The following LTN1 variants were observed in gnomAD, a reference collection of about 807,000 sequenced individuals.
LTN1 encodes E3 ubiquitin-protein ligase listerin.
A neutral mutation model predicts 201.2 loss-of-function variants in LTN1; 88 were observed. The observed-to-expected ratio is 0.44, with a 90% CI of 0.37 to 0.52. The LOEUF is 0.52. Among genes scored for constraint, LTN1 ranks in the 20% least tolerant of loss-of-function variants. The probability of loss-of-function intolerance (pLI) is 0.00; values close to 1 mark genes in which losing one functional copy is unlikely to be tolerated. For missense variants in LTN1, 1,752 were observed against 2,038.7 expected, an observed-to-expected ratio of 0.86 and a Z score of 2.71; for synonymous variants, 645 against 713.5, an observed-to-expected ratio of 0.90 and a Z score of 1.53.
chr21:28,964,444 T>C (rs1302366443), intron 11 of LTN1: 6 of 748,410 alleles, frequency 8.0e-6, no homozygotes, highest in East Asian at 6.1e-5. Context: ...AATTAAGATA[T>C]GTACATTGGT....
intron 16 of LTN1, among the ~76,000 whole-genome samples, chr21:28,955,504 A>G (rs531553602): frequency 2.0e-4 from 31 of 152,266 alleles, no homozygotes; most frequent in Non-Finnish European, 4.0e-4. Flanking sequence ...GTATATCTGC[A>G]CCCCTATATT....
chr21:28,961,121 T>C (rs1292350816), intron 11 of LTN1, among the ~76,000 whole-genome samples: 8 of 152,174 alleles, frequency 5.3e-5, no homozygotes, highest in Admixed American at 6.5e-5. Flanking sequence ...GTATATCTTG[T>C]CTTTCCAATG....
rs771706845 is a variant in LTN1 at position 28,945,964 on chromosome 21, T to A, written c.3624-13A>T. On this transcript the variant is annotated splice_polypyrimidine_tract_variant and intron_variant, in intron 20 of 29. Transcript: ENST00000361371. ...TTCTGATAGATTACTGTGATAAAGA[T>A]AAAAACAAAAGACAATAAAAGATTA... 1.3e-6 allele frequency: 2 copies of A among 1,594,554 alleles called. No individual in the cohort carries two copies. Among genetic ancestry groups the A allele is most frequent in the South Asian group, 1.1e-5 (1 of 88,724 alleles).
chr21:28,959,962 C>A, intron 12 of LTN1: 1 of 272,958 alleles, frequency 3.7e-6, no homozygotes, highest in Non-Finnish European at 6.8e-6. Flanking sequence ...CATGAGTCAA[C>A]TTTATGAGCT....
chr21:28,967,477 C>G (rs1274526927), intron 9 of LTN1: 4 of 234,112 alleles, frequency 1.7e-5, no homozygotes, highest in South Asian at 2.4e-4. Context: ...AGTAATGAAG[C>G]CTCCATAAAA....
At chr21:28,961,107 CTG>C (rs1286303088) in intron 11 of LTN1, among the ~76,000 whole-genome samples, 1 of 152,112 alleles carries the variant, frequency 6.6e-6, no homozygotes, top group African/African-American at 2.4e-5. Context: ...AATGTTTCAT[CTG>C]TGTATATCTT....
chr21:28,938,949 T>C (rs552289629), intron 25 of LTN1, among the ~76,000 whole-genome samples: 28 of 152,266 alleles, frequency 1.8e-4, no homozygotes, highest in Admixed American at 1.6e-3. Flanking sequence ...TACAATGGGA[T>C]GTTGAAAAGG....
At chr21:28,938,959 G>A (rs1403622836) in intron 25 of LTN1, among the ~76,000 whole-genome samples, 1 of 152,140 alleles carries the variant, frequency 6.6e-6, no homozygotes, top group African/African-American at 2.4e-5. Context: ...TGTTGAAAAG[G>A]TTCTAAAATT....
intron 6 of LTN1, among the ~76,000 whole-genome samples, chr21:28,980,569 C>CA (rs565993803): frequency 0.063 from 8,370 of 132,756 alleles, 337 homozygotes; most frequent in Non-Finnish European, 0.091. Flanking sequence ...AAAGAACTAC[C>CA]AAAAAAAAAA....
At chr21:28,976,954 T>C (rs1421507049) in intron 6 of LTN1, among the ~76,000 whole-genome samples, 1 of 152,136 alleles carries the variant, frequency 6.6e-6, no homozygotes, top group Non-Finnish European at 1.5e-5. Flanking sequence ...GGGGTCTAAC[T>C]ATGTCATGCA....
chr21:28,975,597 T>C (rs62224014), intron 6 of LTN1, among the ~76,000 whole-genome samples: 6,636 of 152,232 alleles, frequency 0.044, 207 homozygotes, highest in Middle Eastern at 0.13. Flanking sequence ...TTTACAAAAA[T>C]AGATGTTTCC....
rs1407883508 is a variant in LTN1, at chr21:28,969,618, A to T, written c.1176-17T>A. The T allele has an allele frequency of 2.6e-6, 4 of 1,568,056 alleles. No individual in the cohort carries two copies. Among genetic ancestry groups the T allele is most frequent in the Non-Finnish European group, 3.4e-6 (4 of 1,160,744 alleles). On this transcript the variant is annotated splice_polypyrimidine_tract_variant and intron_variant, in intron 8 of 29. Transcript: ENST00000361371. ...GTTGACAGCCTAAGAAATAATTAATAACTGGATTACTCTTTCATGAAGAAG... is the reference window on the plus strand; with the variant it reads ...GTTGACAGCCTAAGAAATAATTAATTACTGGATTACTCTTTCATGAAGAAG...
chr21:28,982,433 C>T, intron 4 of LTN1, 65 bp from the exon 5 acceptor site: 2 of 1,181,996 alleles, frequency 1.7e-6, no homozygotes, highest in Non-Finnish European at 2.5e-6. Flanking sequence ...ACAGACAGAG[C>T]CTAGTTAAAT....
chr21:28,948,901 T>C (rs1320927234), intron 18 of LTN1, among the ~76,000 whole-genome samples: 3 of 152,224 alleles, frequency 2.0e-5, no homozygotes, highest in African/African-American at 4.8e-5. Flanking sequence ...GCTAAATTCC[T>C]AGAAGTGGAA....
intron 8 of LTN1, 72 bp downstream of exon 8, chr21:28,970,476 TTAAG>T (rs963798132): frequency 1.4e-5 from 14 of 968,126 alleles, no homozygotes; most frequent in Admixed American, 2.5e-5. Flanking sequence ...TTGGAGAAAT[TTAAG>T]TAAGAAAGAA....
At chr21:28,951,596 T>C (rs932318890) in intron 18 of LTN1, among the ~76,000 whole-genome samples, 1 of 151,916 alleles carries the variant, frequency 6.6e-6, no homozygotes, top group African/African-American at 2.4e-5. Context: ...AACAAGTTCA[T>C]GAAATGCTGT....
intron 27 of LTN1, among the ~76,000 whole-genome samples, chr21:28,933,405 T>C (rs556870171): frequency 6.6e-6 from 1 of 152,206 alleles, no homozygotes; most frequent in East Asian, 1.9e-4. Flanking sequence ...ATGCTATAGA[T>C]TGTGGTCAGA....
chr21:28,931,966 G>A (rs1329785737), intron 28 of LTN1, among the ~76,000 whole-genome samples: 1 of 152,066 alleles, frequency 6.6e-6, no homozygotes, highest in Non-Finnish European at 1.5e-5. Flanking sequence ...TCATGCCATT[G>A]CACTTCAGCC....
chr21:28,969,189 C>G (rs553324136), intron 9 of LTN1, among the ~76,000 whole-genome samples: 21 of 151,784 alleles, frequency 1.4e-4, no homozygotes, highest in African/African-American at 4.6e-4. Context: ...TCATTGTACT[C>G]CAGCCTGGGC....
Sources: gnomAD v4.1 joint callset for allele counts (sites outside exome capture counted in the v4.1 genomes callset) on GRCh38, gnomAD v4.1.1 for gene constraint, MANE v1.5 for transcripts, NCBI Gene and HGNC (gene_info 2026-07-23, HGNC 2026-07-21) for gene names.